Variants in FERMT2 observed in about 807,000 individuals in gnomAD.
FERMT2 encodes the protein FERM domain containing kindlin 2.
In FERMT2, 15 loss-of-function variants were observed where a neutral mutation model predicts 82.7. That is an observed-to-expected ratio of 0.18 (90% CI 0.12 to 0.28). FERMT2 has a LOEUF of 0.28. FERMT2 is among the 10% of genes least tolerant of loss of function. The probability of loss-of-function intolerance (pLI) is 1.00; values close to 1 mark genes in which losing one functional copy is unlikely to be tolerated. For synonymous variants in FERMT2, 274 were observed against 271.5 expected, an observed-to-expected ratio of 1.01 and a Z score of -0.09; for missense variants, 645 against 809.4, an observed-to-expected ratio of 0.80 and a Z score of 2.46.
At chr14:52,904,799 A>G (rs1887898160) in intron 3 of FERMT2, among the ~76,000 whole-genome samples, 1 of 151,844 alleles carries the variant, frequency 6.6e-6, no homozygotes, top group Non-Finnish European at 1.5e-5. Context: ...GGAAAGGTAA[A>G]AATACACATT....
chr14:52,860,958 G>C, intron 12 of FERMT2: 1 of 1,289,254 alleles, frequency 7.8e-7, no homozygotes, highest in Non-Finnish European at 1.1e-6. Flanking sequence ...AGGGAAGGTT[G>C]TGGCTATGAA....
intron 2 of FERMT2, among the ~76,000 whole-genome samples, chr14:52,945,424 T>G (rs1176939442): frequency 7.2e-5 from 11 of 151,900 alleles, no homozygotes; most frequent in Non-Finnish European, 5.9e-5. Context: ...ATTTTTTTTT[T>G]GTAATTTTGG....
intron 4 of FERMT2, among the ~76,000 whole-genome samples, chr14:52,888,277 G>T (rs958576538): frequency 6.6e-6 from 1 of 152,158 alleles, no homozygotes; most frequent in Non-Finnish European, 1.5e-5. Flanking sequence ...ATTCGTATTA[G>T]ATGTGACTTA....
chr14:52,912,803 C>T (rs543893325), intron 3 of FERMT2, among the ~76,000 whole-genome samples: 26 of 152,276 alleles, frequency 1.7e-4, no homozygotes, highest in Admixed American at 1.5e-3. Context: ...AGCCACCATG[C>T]CTGGCCATAG....
Position 52,942,471 on chromosome 14 carries a change from T to G in FERMT2, c.157+7941A>C, listed in dbSNP as rs566149381. On this transcript the variant is annotated intron_variant, in intron 2 of 14. Transcript: ENST00000341590. ...GCGCCCACCACCACGCCCAGCTAAT[T>G]TTTTGTATTTTCAGTAGAGACGGGG... 3.3e-5 allele frequency among the ~76,000 whole-genome samples: 5 copies of G among 151,924 alleles called. No individual in the cohort carries two copies. In the East Asian group the frequency reaches 9.7e-4, roughly 30 times the overall value.
chr14:52,900,622 C>A (rs1887566698), intron 3 of FERMT2, among the ~76,000 whole-genome samples: 2 of 152,010 alleles, frequency 1.3e-5, no homozygotes, highest in Non-Finnish European at 2.9e-5. Context: ...ACTTTGTAAA[C>A]TGGAGAAATA....
chr14:52,870,219 A>AT (rs1228635792), intron 10 of FERMT2, among the ~76,000 whole-genome samples: 1 of 151,096 alleles, frequency 6.6e-6, no homozygotes, highest in African/African-American at 2.4e-5. Flanking sequence ...TGCAAGCCCC[A>AT]TTCATGGAAA....
At chr14:52,911,642 T>C (rs2147976) in intron 3 of FERMT2, among the ~76,000 whole-genome samples, 120,515 of 149,794 alleles carry the variant, frequency 0.8, 48,645 homozygotes, top group East Asian at 1. Context: ...CAGAGTGAGA[T>C]TCCATCTCAA....
At chr14:52,923,712 A>G (rs191907552) in intron 2 of FERMT2, among the ~76,000 whole-genome samples, 1 of 152,098 alleles carries the variant, frequency 6.6e-6, no homozygotes, top group Admixed American at 6.5e-5. Context: ...CAGAAAAAAA[A>G]TAAGCTCTCT....
At chr14:52,861,291 T>C (rs1884921405) in intron 12 of FERMT2, 2 of 449,046 alleles carry the variant, frequency 4.5e-6, no homozygotes, top group Admixed American at 4.3e-5. Context: ...ATGTTAAATG[T>C]TGCTAAAGAA....
At chr14:52,875,896 C>T (rs529285070) in intron 7 of FERMT2, among the ~76,000 whole-genome samples, 3 of 152,238 alleles carry the variant, frequency 2.0e-5, no homozygotes, top group African/African-American at 7.2e-5. Flanking sequence ...AATGTTTGTA[C>T]GTGAGTACGC....
chr14:52,864,959 C>A (rs776758141), intron 10 of FERMT2, 106 bp from the exon 11 acceptor site: 91 of 715,106 alleles, frequency 1.3e-4, no homozygotes, highest in Non-Finnish European at 1.9e-4. Context: ...TGGATTTTGC[C>A]ATAGTATTTT....
chr14:52,935,624 C>G (rs560868977), intron 2 of FERMT2, among the ~76,000 whole-genome samples: 27 of 152,290 alleles, frequency 1.8e-4, no homozygotes, highest in African/African-American at 6.0e-4. Context: ...TTAGATCTGG[C>G]AGCCTCCAGA....
chr14:52,907,181 T>A (rs1888062107), intron 3 of FERMT2, among the ~76,000 whole-genome samples: 1 of 152,112 alleles, frequency 6.6e-6, no homozygotes, highest in Non-Finnish European at 1.5e-5. Context: ...CCCAGCTAAT[T>A]TTTTGGTATT....
chr14:52,948,958 C>T (rs781267039), intron 2 of FERMT2, among the ~76,000 whole-genome samples: 8 of 152,232 alleles, frequency 5.3e-5, no homozygotes, highest in Non-Finnish European at 1.0e-4. Flanking sequence ...TAAATAATCT[C>T]ATACCAGAGC....
chr14:52,864,804 A>G lies in FERMT2; in HGVS notation c.1323T>C (p.Ile441=). Residue 441 remains isoleucine (I), a synonymous_variant, in exon 11 of 15, where the codon ATT becomes ATC. Transcript: ENST00000341590. Reference sequence around the variant, plus strand: ...CTTCTGCAACTGGAATCAGGAGTTTAATGTTAAATTTTTGGCCTGAAATGT... The same window carrying G: ...CTTCTGCAACTGGAATCAGGAGTTTGATGTTAAATTTTTGGCCTGAAATGT... The part of the protein sequence containing the change: ...DVNISGQKFN[I]KLLIPVAEGM... 1 of 1,612,280 alleles carries G rather than the reference A, an allele frequency of 6.2e-7. No homozygotes were observed. The highest frequency in any genetic ancestry group is 1.7e-5 in the Admixed American group (1 of 59,992).
At chr14:52,927,229 C>G (rs1889322610) in intron 2 of FERMT2, among the ~76,000 whole-genome samples, 1 of 151,904 alleles carries the variant, frequency 6.6e-6, no homozygotes, top group Non-Finnish European at 1.5e-5. Flanking sequence ...TACCAAACAG[C>G]TTTTGGTATC....
rs116834185 is a variant in FERMT2, at chr14:52,936,112, A to G, written c.157+14300T>C. Among the ~76,000 whole-genome samples the G allele has an allele frequency of 9.2e-3, 1,406 of 152,344 alleles. 21 individuals carry two copies. The highest frequency in any genetic ancestry group is 0.032 in the African/African-American group (1,321 of 41,572). ...GCAATGAAAAGGTCTGACAAATTCTAAGAGAGTAACATCAGGACAAAATTC... is the reference window on the plus strand; with the variant it reads ...GCAATGAAAAGGTCTGACAAATTCTGAGAGAGTAACATCAGGACAAAATTC... On this transcript the variant is annotated intron_variant, in intron 2 of 14. Coordinates refer to ENST00000341590, the MANE Select transcript of FERMT2 (RefSeq NM_006832.3).
In FERMT2 at chr14:52,881,439, C is replaced by T; in HGVS notation, c.557G>A (p.Ser186Asn). ...GSIYSSPGLY[S>N]KTMTPTYDAH... Reference sequence around the variant, plus strand: ...ATCATAAGTGGGGGTCATTGTTTTACTATACAGTCCTGGGCTTGAATATAT... The same window carrying T: ...ATCATAAGTGGGGGTCATTGTTTTATTATACAGTCCTGGGCTTGAATATAT... Residue 186 changes from serine to asparagine, a missense_variant, in exon 5 of 15, where the codon AGT becomes AAT. Transcript: ENST00000341590. 6.2e-7 allele frequency: 1 copy of T among 1,613,720 alleles called. No homozygotes were observed. Among genetic ancestry groups the T allele is most frequent in the Non-Finnish European group, 8.5e-7 (1 of 1,179,768 alleles).
Sources: gnomAD v4.1 joint callset for allele counts (sites outside exome capture counted in the v4.1 genomes callset) on GRCh38, gnomAD v4.1.1 for gene constraint, MANE v1.5 for transcripts, NCBI Gene and HGNC (gene_info 2026-07-23, HGNC 2026-07-21) for gene names.